Variants in RBM3 observed in about 807,000 individuals in gnomAD.
The protein encoded by RBM3 is RNA binding motif protein 3.
Under a neutral mutation model 12.0 loss-of-function variants are expected in RBM3, and 3 were observed. The ratio of observed to expected loss-of-function variants is 0.25; its 90% CI spans 0.11 to 0.65. The LOEUF is 0.65. Ranked by LOEUF, RBM3 falls within the 30% of genes least tolerant of loss-of-function variation. The probability of loss-of-function intolerance (pLI) is 0.84; values close to 1 mark genes in which losing one functional copy is unlikely to be tolerated. For missense variants in RBM3, 108 were observed against 134.5 expected (o/e 0.80, Z 0.97); for synonymous variants, 58 against 45.7 (o/e 1.27, Z -1.08).
chrX:48,579,531 A>G lies in RBM3; in HGVS notation c.*2090A>G, dbSNP rs1556990086. 1.8e-5 allele frequency among the ~76,000 whole-genome samples: 2 copies of G among 111,533 alleles called. No individual in the cohort carries two copies. The highest frequency in any genetic ancestry group is 3.8e-5 in the Non-Finnish European group (2 of 53,104). ...CCCAGGCTATGGGGCATTGTGGCTA[A>G]CCCCACCAGGTGGATACTTGGTCTG... On this transcript the variant is annotated 3_prime_UTR_variant, in exon 7 of 7. Transcript: ENST00000376759.
rs2062083603 is a variant in RBM3 at position 48,577,012 on chromosome X, T to C, written c.414-14T>C. The C allele has an allele frequency of 8.3e-7, 1 of 1,208,420 alleles. No individual in the cohort carries two copies. The highest frequency in any genetic ancestry group is 1.1e-6 in the Non-Finnish European group (1 of 894,306). On this transcript the variant is annotated splice_polypyrimidine_tract_variant and intron_variant, in intron 5 of 6. Transcript: ENST00000376759. ...AGTACCAGAAAACTTTTGTGTGTTT[T>C]TTTTCCCCCCCAGAAACCAGGGTGG...
At chrX:48,574,687 C>T (rs1032310508) in intron 1 of RBM3, 114 bp downstream of exon 1, 3 of 330,073 alleles carry the variant, frequency 9.1e-6, no homozygotes, top group Non-Finnish European at 1.8e-5. Context: ...GTAGGCTTGG[C>T]TTTCTCTGGG....
At position 48,575,179 on chromosome X, in the gene RBM3, C is replaced by T. The variant is rs782663513; in HGVS notation, c.-2C>T. The T allele has an allele frequency of 8.3e-7, 1 of 1,199,872 alleles. No individual in the cohort carries two copies. Among genetic ancestry groups the T allele is most frequent in the South Asian group, 1.8e-5 (1 of 55,883 alleles). ...TGTTCTTCCCACAGGACTTGAACTG[C>T]CATGTCCTCTGAAGAAGGAAAGCTC... On this transcript the variant is annotated 5_prime_UTR_variant, in exon 2 of 7. Transcript: ENST00000376759.
Position 48,576,624 on chromosome X carries a change from G to A in RBM3, c.413+20G>A. 1 of 1,164,447 alleles carries A rather than the reference G, an allele frequency of 8.6e-7. No individual in the cohort carries two copies. Among genetic ancestry groups the A allele is most frequent in the Non-Finnish European group, 1.1e-6 (1 of 871,900 alleles). On this transcript the variant is annotated intron_variant, in intron 5 of 6. Transcript: ENST00000376759. Reference sequence around the variant, plus strand: ...TGGCAGGTGGGTAGCCAAAGGGCTGGGATGTTCTCCTATTGCTTCCCTCTC... The same window carrying A: ...TGGCAGGTGGGTAGCCAAAGGGCTGAGATGTTCTCCTATTGCTTCCCTCTC...
In RBM3 at chrX:48,579,727, C is replaced by T. The variant is rs2062095165; in HGVS notation, c.*2286C>T. 9.0e-6 allele frequency: 1 copy of T among 111,583 alleles called. No homozygotes were observed. The highest frequency in any genetic ancestry group is 3.3e-5 in the African/African-American group (1 of 30,699). The allele number at this position is 111,583 out of a possible 1,213,427, so 9.2% of individuals were successfully genotyped here. A position where few individuals can be genotyped will look rare whatever the true frequency, so the allele number is the denominator to read the frequency against. On this transcript the variant is annotated 3_prime_UTR_variant, in exon 7 of 7. Coordinates refer to ENST00000376759, the MANE Select transcript of RBM3 (RefSeq NM_006743.5). ...TGTCAGCTGAGGTAGGATCCATAAT[C>T]AGTAATATTCCTGCAACAAAATGTT...
chrX:48,577,116 C>G lies in RBM3; in HGVS notation c.*23+7C>G, dbSNP rs146657064. On this transcript the variant is annotated splice_region_variant and intron_variant, in intron 6 of 6. Transcript: ENST00000376759. The stretch of plus-strand genomic sequence containing the variant: ...AGACATGCACATAATATAGGTGAGA[C>G]TTGGATATCGGCATTGAGTGAACCT... 39 of 1,208,487 alleles carry G rather than the reference C, an allele frequency of 3.2e-5. No individual in the cohort carries two copies. In the Middle Eastern group the frequency reaches 1.8e-3, roughly 57 times the overall value.
Position 48,579,196 on chromosome X carries a change from AT to A in RBM3, c.*1756del, listed in dbSNP as rs1210698422. On this transcript the variant is annotated 3_prime_UTR_variant, in exon 7 of 7. Transcript: ENST00000376759. ...GCTGTATTGAGGCCCCATGGGTGTT[AT>A]CCCTCCATTGGTTCTAGTTTGGAAC... 2 of 111,206 alleles carry A rather than the reference AT, an allele frequency of 1.8e-5. No individual in the cohort carries two copies. The highest frequency in any genetic ancestry group is 1.9e-5 in the Non-Finnish European group (1 of 52,976). The allele number at this position is 111,206 out of a possible 1,213,427, so 9.2% of individuals were successfully genotyped here. A position where few individuals can be genotyped will look rare whatever the true frequency, so the allele number is the denominator to read the frequency against.
In RBM3 at chrX:48,577,751, G is replaced by T. The variant is rs1367013478; in HGVS notation, c.*310G>T. On this transcript the variant is annotated 3_prime_UTR_variant, in exon 7 of 7. Coordinates refer to ENST00000376759, the MANE Select transcript of RBM3 (RefSeq NM_006743.5). Reference sequence around the variant, plus strand: ...GGTTTATTGGAGCTAGCAATAATTGGTTCTGGCAAGTTTGGCCAGACTGAC... The same window carrying T: ...GGTTTATTGGAGCTAGCAATAATTGTTTCTGGCAAGTTTGGCCAGACTGAC... The T allele has an allele frequency of 1.6e-5, 3 of 184,030 alleles. No individual in the cohort carries two copies. Among genetic ancestry groups the T allele is most frequent in the African/African-American group, 9.5e-5 (3 of 31,622 alleles). 15.2% of individuals were successfully genotyped at this position (184,030 alleles called of 1,213,427 possible).
In RBM3 at chrX:48,574,545, G is replaced by C. The variant is rs1410974528; in HGVS notation, c.-42G>C. 1 of 332,611 alleles carries C rather than the reference G, an allele frequency of 3.0e-6. No homozygotes were observed. The highest frequency in any genetic ancestry group is 2.6e-5 in the South Asian group (1 of 38,596). The allele number at this position is 332,611 out of a possible 1,213,427, so 27.4% of individuals were successfully genotyped here. A position where few individuals can be genotyped will look rare whatever the true frequency, so the allele number is the denominator to read the frequency against. ...TTGTGCTCCTCCGAGCTCGCTGTTC[G>C]TCCGGGTTTTTTACGTTTTAATTTC... is the stretch of plus-strand genomic sequence containing the variant. On this transcript the variant is annotated 5_prime_UTR_variant, in exon 1 of 7. Transcript: ENST00000376759.
In RBM3 at chrX:48,580,431, CTG is replaced by C. The variant is rs2062097363; in HGVS notation, c.*2992_*2993del. Among the ~76,000 whole-genome samples the C allele has an allele frequency of 9.0e-6, 1 of 111,548 alleles. No homozygotes were observed. Among genetic ancestry groups the C allele is most frequent in the East Asian group, 2.8e-4 (1 of 3,552 alleles). Reference sequence around the variant, plus strand: ...GTTTTTTTCCAGACAGGGTCTCACTCTGTCTCCCAGGCTGGAGTGCAGTGGCA... The same window carrying C: ...GTTTTTTTCCAGACAGGGTCTCACTCTCTCCCAGGCTGGAGTGCAGTGGCA... On this transcript the variant is annotated 3_prime_UTR_variant, in exon 7 of 7. Transcript: ENST00000376759.
Position 48,576,302 on chromosome X carries a change from T to C in RBM3, c.211-12T>C. 8.3e-7 allele frequency: 1 copy of C among 1,205,368 alleles called. No homozygotes were observed. The highest frequency in any genetic ancestry group is 1.1e-6 in the Non-Finnish European group (1 of 892,785). On this transcript the variant is annotated splice_polypyrimidine_tract_variant and intron_variant, in intron 3 of 6. Transcript: ENST00000376759. ...ACTGCCAACCCATCATCCTTGTGTC[T>C]CCCACACTTAGTCTCTGGATGGTCG...
At position 48,577,578 on chromosome X, in the gene RBM3, T is replaced by C. The variant is rs1556989672; in HGVS notation, c.*137T>C. On this transcript the variant is annotated 3_prime_UTR_variant, in exon 7 of 7. Transcript: ENST00000376759. Reference sequence around the variant, plus strand: ...TTTATAGTATATCAACCTTTTGTTTTTAAATTGACCTGCCAAGGTAGCTGA... The same window carrying C: ...TTTATAGTATATCAACCTTTTGTTTCTAAATTGACCTGCCAAGGTAGCTGA... The C allele has an allele frequency of 1.3e-6, 1 of 761,537 alleles. No individual in the cohort carries two copies. Among genetic ancestry groups the C allele is most frequent in the Non-Finnish European group, 1.7e-6 (1 of 575,535 alleles). The allele number at this position is 761,537 out of a possible 1,213,427, so 62.8% of individuals were successfully genotyped here. A position where few individuals can be genotyped will look rare whatever the true frequency, so the allele number is the denominator to read the frequency against.
Position 48,575,493 on chromosome X carries a change from A to G in RBM3, c.104-68A>G. On this transcript the variant is annotated intron_variant, in intron 2 of 6. Transcript: ENST00000376759. Reference sequence around the variant, plus strand: ...ACCTATGCCATCTCCTTTTCCGGCCACCCTTTGCTACTTAACCTTTGGGGT... The same window carrying G: ...ACCTATGCCATCTCCTTTTCCGGCCGCCCTTTGCTACTTAACCTTTGGGGT... The G allele has an allele frequency of 9.0e-6, 9 of 1,004,960 alleles. No homozygotes were observed. In the South Asian group the frequency reaches 1.9e-4, roughly 21 times the overall value. The allele number at this position is 1,004,960 out of a possible 1,213,427, so 82.8% of individuals were successfully genotyped here.
chrX:48,578,931 C>T lies in RBM3; in HGVS notation c.*1490C>T, dbSNP rs1453282525. ...GATTTATGTAGGGGCTCTTCTACTTCCCAGGTATTTGACCTCAGGTGAGTC... is the reference window on the plus strand; with the variant it reads ...GATTTATGTAGGGGCTCTTCTACTTTCCAGGTATTTGACCTCAGGTGAGTC... On this transcript the variant is annotated 3_prime_UTR_variant, in exon 7 of 7. Transcript: ENST00000376759. 9.0e-6 allele frequency: 1 copy of T among 111,659 alleles called. No individual in the cohort carries two copies. Among genetic ancestry groups the T allele is most frequent in the Non-Finnish European group, 1.9e-5 (1 of 53,140 alleles). The allele number at this position is 111,659 out of a possible 1,213,427, so 9.2% of individuals were successfully genotyped here. A position where few individuals can be genotyped will look rare whatever the true frequency, so the allele number is the denominator to read the frequency against.
chrX:48,574,931 G>T, intron 1 of RBM3: 1 of 439,765 alleles, frequency 2.3e-6, no homozygotes, highest in Admixed American at 3.0e-5. Flanking sequence ...TGACGGGCGT[G>T]GCGGCTATGA....
In RBM3 at chrX:48,580,279, A is replaced by G. The variant is rs1485504914; in HGVS notation, c.*2838A>G. 6.3e-5 allele frequency among the ~76,000 whole-genome samples: 7 copies of G among 111,421 alleles called. No individual in the cohort carries two copies. The highest frequency in any genetic ancestry group is 1.3e-4 in the Non-Finnish European group (7 of 53,033). On this transcript the variant is annotated 3_prime_UTR_variant, in exon 7 of 7. Transcript: ENST00000376759. ...TCCTAAGCCCAACCCCTCCTATCCCACCTAGGCAGAAATCACTTCAGATCC... is the reference window on the plus strand; with the variant it reads ...TCCTAAGCCCAACCCCTCCTATCCCGCCTAGGCAGAAATCACTTCAGATCC...
At chrX:48,574,853 G>C (rs1254660756) in intron 1 of RBM3, 6 of 367,505 alleles carry the variant, frequency 1.6e-5, no homozygotes, top group Admixed American at 3.0e-5. Flanking sequence ...CCACGTGGCC[G>C]CCGCCATCTT....
At position 48,578,155 on chromosome X, in the gene RBM3, TAGA is replaced by T. The variant is rs1343124165; in HGVS notation, c.*718_*720del. The T allele has an allele frequency of 9.0e-6, 1 of 111,084 alleles. No homozygotes were observed. The highest frequency in any genetic ancestry group is 9.7e-5 in the Admixed American group (1 of 10,329). The allele number at this position is 111,084 out of a possible 1,213,427, so 9.2% of individuals were successfully genotyped here. A position where few individuals can be genotyped will look rare whatever the true frequency, so the allele number is the denominator to read the frequency against. ...AATTCAGATCATCAAACTGATTATATAGAAGAGTTGGCTTTAAAATGTTTGCAA... is the reference window on the plus strand; with the variant it reads ...AATTCAGATCATCAAACTGATTATATAGAGTTGGCTTTAAAATGTTTGCAA... On this transcript the variant is annotated 3_prime_UTR_variant, in exon 7 of 7. Coordinates refer to ENST00000376759, the MANE Select transcript of RBM3 (RefSeq NM_006743.5).
At chrX:48,575,708 C>T (rs200631744) in intron 3 of RBM3, 41 bp downstream of exon 3, 134 of 1,123,959 alleles carry the variant, frequency 1.2e-4, no homozygotes, top group Non-Finnish European at 1.5e-4. Flanking sequence ...TCCCCATCTG[C>T]GGCTTCCTTC....
Sources: allele counts gnomAD v4.1 joint callset (sites outside exome capture counted in the v4.1 genomes callset), GRCh38; gene constraint gnomAD v4.1.1; transcripts MANE v1.5; gene names NCBI Gene and HGNC (gene_info 2026-07-23, HGNC 2026-07-21).